EPN2: variants seen among roughly 807,000 people sequenced by gnomAD.
The protein encoded by EPN2 is epsin 2.
In EPN2, 34 loss-of-function variants were observed where a neutral mutation model predicts 61.7. That is an observed-to-expected ratio of 0.55 (90% CI 0.42 to 0.73). The LOEUF is 0.73. Ranked by LOEUF, EPN2 falls within the 30% of genes least tolerant of loss-of-function variation. The pLI, the probability that EPN2 is intolerant of heterozygous loss-of-function variation, is 0.00. For missense variants in EPN2, 714 were observed against 839.2 expected (o/e 0.85, Z 1.84); for synonymous variants, 349 against 353.6 (o/e 0.99, Z 0.15).
At chr17:19,293,471 A>G (rs946652392) in intron 4 of EPN2, among the ~76,000 whole-genome samples, 7 of 150,958 alleles carry the variant, frequency 4.6e-5, no homozygotes, top group African/African-American at 1.7e-4. Flanking sequence ...CCTGGGCTCA[A>G]GTGATGCTCT....
rs1013094131 is a variant in EPN2 at position 19,243,384 on chromosome 17, A to ATTTTTTT, written c.-294+5875_-294+5881dup. On this transcript the variant is annotated intron_variant, in intron 1 of 10. Coordinates refer to ENST00000314728, the MANE Select transcript of EPN2 (RefSeq NM_014964.5). Reference sequence around the variant, plus strand: ...AGGTGTGTGCTACCATGCCTGGCTAATTTTTTTTTTTTTTTTTTTTTTTTT... The same window carrying ATTTTTTT: ...AGGTGTGTGCTACCATGCCTGGCTAATTTTTTTTTTTTTTTTTTTTTTTTTTTTTTTT... Among the ~76,000 whole-genome samples, 6 of 77,280 alleles carry ATTTTTTT rather than the reference A, an allele frequency of 7.8e-5. 1 individual carries two copies. Among genetic ancestry groups the ATTTTTTT allele is most frequent in the East Asian group, 5.6e-4 (1 of 1,778 alleles). 50.7% of individuals were successfully genotyped at this position (77,280 alleles called of 152,430 possible).
chr17:19,304,903 G>T (rs1019691912), intron 4 of EPN2, among the ~76,000 whole-genome samples: 1 of 152,152 alleles, frequency 6.6e-6, no homozygotes, highest in African/African-American at 2.4e-5. Flanking sequence ...CCCAAGGCCT[G>T]GCAACCTTTC....
intron 4 of EPN2, among the ~76,000 whole-genome samples, chr17:19,307,774 C>T (rs949318551): frequency 6.6e-6 from 1 of 152,240 alleles, no homozygotes; most frequent in Non-Finnish European, 1.5e-5. Context: ...CCTCAGCCCT[C>T]TGCCCAGAAG....
intron 1 of EPN2, among the ~76,000 whole-genome samples, chr17:19,275,934 C>T (rs1337573941): frequency 6.6e-6 from 1 of 152,206 alleles, no homozygotes; most frequent in Non-Finnish European, 1.5e-5. Context: ...GCTCATGGTG[C>T]TACTTCCCCA....
At chr17:19,306,446 G>GT (rs1218902257) in intron 4 of EPN2, among the ~76,000 whole-genome samples, 2 of 152,222 alleles carry the variant, frequency 1.3e-5, no homozygotes, top group African/African-American at 4.8e-5. Flanking sequence ...CTGTACATCC[G>GT]TTTATGAAAA....
At chr17:19,272,548 A>G (rs946850162) in intron 1 of EPN2, among the ~76,000 whole-genome samples, 6 of 152,200 alleles carry the variant, frequency 3.9e-5, no homozygotes, top group African/African-American at 4.8e-5. Context: ...TAATTCCATC[A>G]TTTTAGAAGC....
intron 4 of EPN2, among the ~76,000 whole-genome samples, chr17:19,307,643 C>T (rs942204650): frequency 3.3e-5 from 5 of 152,128 alleles, no homozygotes; most frequent in South Asian, 2.1e-4. Flanking sequence ...GTGCCCGGCC[C>T]GTTCCAAAGT....
intron 4 of EPN2, among the ~76,000 whole-genome samples, chr17:19,288,993 G>A (rs1024896108): frequency 6.6e-6 from 1 of 151,088 alleles, no homozygotes; most frequent in African/African-American, 2.4e-5. Context: ...GGAGGCCACT[G>A]TCCCCATCCA....
At chr17:19,254,893 T>C (rs115838084) in intron 1 of EPN2, among the ~76,000 whole-genome samples, 1,554 of 152,166 alleles carry the variant, frequency 0.01, 22 homozygotes, top group African/African-American at 0.036. Flanking sequence ...AGGCAAAGAG[T>C]CTGTGCCTTT....
At chr17:19,280,596 A>G (rs1372336652) in intron 1 of EPN2, among the ~76,000 whole-genome samples, 1 of 152,222 alleles carries the variant, frequency 6.6e-6, no homozygotes, top group Non-Finnish European at 1.5e-5. Context: ...GAGCAGATGT[A>G]TGGGTTATTA....
intron 1 of EPN2, among the ~76,000 whole-genome samples, chr17:19,277,690 G>T (rs1034491787): frequency 6.6e-6 from 1 of 152,164 alleles, no homozygotes; most frequent in Non-Finnish European, 1.5e-5. Context: ...CATGGCCCAC[G>T]CATCATGGGC....
At chr17:19,309,694 C>T (rs1036810925) in intron 4 of EPN2, among the ~76,000 whole-genome samples, 191 bp from the exon 5 acceptor site, 2 of 152,202 alleles carry the variant, frequency 1.3e-5, no homozygotes, top group African/African-American at 2.4e-5. Flanking sequence ...GGGAAAGCTA[C>T]GTTTGACTGT....
intron 1 of EPN2, chr17:19,273,267 T>A (rs2045273406): frequency 6.6e-6 from 1 of 152,150 alleles, no homozygotes; most frequent in Admixed American, 6.5e-5. Flanking sequence ...CTCAGCCTTT[T>A]TTTTAGAGGT....
intron 4 of EPN2, among the ~76,000 whole-genome samples, chr17:19,291,914 C>G (rs1318613386): frequency 6.6e-6 from 1 of 152,160 alleles, no homozygotes; most frequent in Non-Finnish European, 1.5e-5. Flanking sequence ...GGCCTCAGCC[C>G]TGCTTGCCCA....
Position 19,283,092 on chromosome 17 carries a change from C to A in EPN2, c.-28C>A. ...CAGGAAGGTTTCTCTGTTTGAAGGGCTTTAAACTTATAACAAAGAAAATAA... is the reference window on the plus strand; with the variant it reads ...CAGGAAGGTTTCTCTGTTTGAAGGGATTTAAACTTATAACAAAGAAAATAA... On this transcript the variant is annotated 5_prime_UTR_variant, in exon 3 of 11. Coordinates refer to ENST00000314728, the MANE Select transcript of EPN2 (RefSeq NM_014964.5). The surrounding 1 kb of genome is among the most constrained non-coding windows in gnomAD (Gnocchi z 7.0). 6.4e-7 allele frequency: 1 copy of A among 1,562,456 alleles called. No homozygotes were observed. The highest frequency in any genetic ancestry group is 8.8e-7 in the Non-Finnish European group (1 of 1,142,848).
intron 1 of EPN2, among the ~76,000 whole-genome samples, chr17:19,246,619 ACT>A (rs1213372540): frequency 6.6e-6 from 1 of 151,482 alleles, no homozygotes; most frequent in Non-Finnish European, 1.5e-5. Flanking sequence ...ACTCTTTAAG[ACT>A]CTGAGGTGAA....
chr17:19,321,341 A>G (rs141860106), intron 7 of EPN2, among the ~76,000 whole-genome samples: 233 of 152,276 alleles, frequency 1.5e-3, no homozygotes, highest in African/African-American at 5.0e-3. Flanking sequence ...CCCACCTCAT[A>G]GTCCCAGTTA....
intron 1 of EPN2, among the ~76,000 whole-genome samples, chr17:19,238,083 C>T (rs867895863): frequency 2.1e-4 from 32 of 152,194 alleles, no homozygotes; most frequent in African/African-American, 7.0e-4. Context: ...TGTAGCAGGG[C>T]CCCCTTCCGT....
At chr17:19,309,839 T>C in intron 4 of EPN2, 46 bp from the exon 5 acceptor site, 1 of 1,499,084 alleles carries the variant, frequency 6.7e-7, no homozygotes. Flanking sequence ...GCAGGAGCTG[T>C]ATCAGCCTTG....
Sources: allele counts gnomAD v4.1 joint callset (sites outside exome capture counted in the v4.1 genomes callset), GRCh38; gene constraint gnomAD v4.1.1; non-coding constraint Gnocchi (gnomAD v3.1); transcripts MANE v1.5; gene names NCBI Gene and HGNC (gene_info 2026-07-23, HGNC 2026-07-21).